Variants in GRIK2 observed in about 807,000 individuals in gnomAD.
The protein encoded by GRIK2 is glutamate ionotropic receptor kainate type subunit 2, also known as glutamate receptor ionotropic, kainate 2.
A neutral mutation model predicts 100.3 loss-of-function variants in GRIK2; 32 were observed. That is an observed-to-expected ratio of 0.32 (90% CI 0.24 to 0.43). The LOEUF (loss-of-function observed/expected upper bound fraction) is 0.43. GRIK2 is among the 20% of genes least tolerant of loss of function. The probability of loss-of-function intolerance (pLI) is 1.00; values close to 1 mark genes in which losing one functional copy is unlikely to be tolerated. For synonymous variants in GRIK2, 417 were observed against 389.4 expected (o/e 1.07, Z -0.83); for missense variants, 843 against 1,114.9 (o/e 0.76, Z 3.47).
At chr6:101,417,041 G>A (rs1014049887) in intron 2 of GRIK2, among the ~76,000 whole-genome samples, 3 of 152,162 alleles carry the variant, frequency 2.0e-5, no homozygotes, top group East Asian at 3.8e-4. Flanking sequence ...AAAGGAAAGC[G>A]GTTTAATTGA....
chr6:102,045,637 T>A (rs1770846568), intron 15 of GRIK2, among the ~76,000 whole-genome samples: 1 of 151,918 alleles, frequency 6.6e-6, no homozygotes, highest in East Asian at 1.9e-4. Context: ...TAAATAATTA[T>A]CTAATAATGC....
chr6:101,724,217 G>A (rs972241288), intron 7 of GRIK2, among the ~76,000 whole-genome samples: 34 of 151,624 alleles, frequency 2.2e-4, no homozygotes, highest in African/African-American at 8.2e-4. Context: ...TTAGATTCAG[G>A]GGGTACATGG....
intron 4 of GRIK2, among the ~76,000 whole-genome samples, chr6:101,635,774 A>G (rs1183932268): frequency 1.3e-5 from 2 of 152,234 alleles, no homozygotes; most frequent in African/African-American, 4.8e-5. Context: ...TGGTCATTAG[A>G]GAAATGCAAA....
At chr6:101,542,576 A>T (rs1321031960) in intron 2 of GRIK2, among the ~76,000 whole-genome samples, 1 of 152,136 alleles carries the variant, frequency 6.6e-6, no homozygotes, top group Non-Finnish European at 1.5e-5. Context: ...TGCATAAAAG[A>T]TCATATTATA....
intron 7 of GRIK2, among the ~76,000 whole-genome samples, chr6:101,741,103 C>A (rs759243849): frequency 2.6e-5 from 4 of 152,110 alleles, no homozygotes; most frequent in African/African-American, 4.8e-5. Context: ...CAGGGAAAGC[C>A]ACAAGCATGC....
At chr6:101,958,343 A>G (rs916082029) in intron 14 of GRIK2, among the ~76,000 whole-genome samples, 1 of 150,316 alleles carries the variant, frequency 6.7e-6, no homozygotes, top group Non-Finnish European at 1.5e-5. Context: ...GTTATTGATT[A>G]TAGAAATGCT....
chr6:101,912,044 ACG>A (rs200527313), intron 12 of GRIK2, among the ~76,000 whole-genome samples: 96,053 of 124,370 alleles, frequency 0.77, 34,961 homozygotes, highest in African/African-American at 0.84. Context: ...ACCAGGGGCA[ACG>A]CACACACACA....
At chr6:101,551,211 C>G (rs1194974671) in intron 2 of GRIK2, among the ~76,000 whole-genome samples, 1 of 152,086 alleles carries the variant, frequency 6.6e-6, no homozygotes, top group Non-Finnish European at 1.5e-5. Context: ...TGGTGTGCAG[C>G]AAGATTTCAG....
At chr6:101,578,519 G>A (rs1777894296) in intron 2 of GRIK2, among the ~76,000 whole-genome samples, 1 of 152,116 alleles carries the variant, frequency 6.6e-6, no homozygotes, top group Non-Finnish European at 1.5e-5. Context: ...AGCATATGGG[G>A]CATTTGAACA....
chr6:101,710,296 A>T (rs1000689031), intron 7 of GRIK2, among the ~76,000 whole-genome samples: 1 of 151,830 alleles, frequency 6.6e-6, no homozygotes, highest in African/African-American at 2.4e-5. Flanking sequence ...CCTGCATTCT[A>T]GTTGTGGCTT....
chr6:101,676,719 C>T lies in GRIK2; in HGVS notation c.638C>T (p.Pro213Leu), dbSNP rs752608111. The change falls in exon 5 of 17, where the codon CCC becomes CTC. Residue 213 changes from proline (P) to leucine (L), a missense_variant. Around this residue, in one of 3 missense-constraint regions of GRIK2, gnomAD observed 519 missense variants for 643.8 expected, o/e 0.81. Transcript: ENST00000369134. Reference protein sequence around the residue: ...QLPADTKDAKPLLKEMKRGKE... With the variant: ...QLPADTKDAKLLLKEMKRGKE... Reference sequence around the variant, plus strand: ...CCTGCTGATACAAAGGATGCAAAACCCTTACTAAAAGAAATGAAAAGAGGC... The same window carrying T: ...CCTGCTGATACAAAGGATGCAAAACTCTTACTAAAAGAAATGAAAAGAGGC... The T allele has an allele frequency of 1.9e-6, 3 of 1,606,698 alleles. No individual in the cohort carries two copies. Among genetic ancestry groups the T allele is most frequent in the Non-Finnish European group, 2.6e-6 (3 of 1,174,676 alleles).
chr6:101,668,953 A>G (rs1283209152), intron 4 of GRIK2, among the ~76,000 whole-genome samples: 1 of 152,236 alleles, frequency 6.6e-6, no homozygotes, highest in Non-Finnish European at 1.5e-5. Context: ...AGATAAAGAC[A>G]AACCTTGATT....
chr6:101,677,248 A>G (rs1770908352), intron 5 of GRIK2, among the ~76,000 whole-genome samples: 1 of 152,132 alleles, frequency 6.6e-6, no homozygotes, highest in South Asian at 2.1e-4. Flanking sequence ...TCACTACAAC[A>G]AAAAGAAGTA....
intron 16 of GRIK2, chr6:102,065,839 AT>A: frequency 6.7e-7 from 1 of 1,500,784 alleles, no homozygotes; most frequent in Non-Finnish European, 9.0e-7. Flanking sequence ...ATTCCTCCCT[AT>A]TTTGGAGTCA....
chr6:101,848,321 A>G (rs1783924417), intron 10 of GRIK2, among the ~76,000 whole-genome samples: 1 of 147,588 alleles, frequency 6.8e-6, no homozygotes, highest in Admixed American at 6.8e-5. Flanking sequence ...TTGCCAGTTT[A>G]TCAACTGCTT....
chr6:101,599,198 G>A, intron 2 of GRIK2, among the ~76,000 whole-genome samples: 1 of 151,556 alleles, frequency 6.6e-6, no homozygotes, highest in African/African-American at 2.4e-5. Flanking sequence ...GCATTAATTT[G>A]CTCAAGATAA....
At chr6:101,887,397 A>G (rs1786727645) in intron 11 of GRIK2, among the ~76,000 whole-genome samples, 1 of 152,160 alleles carries the variant, frequency 6.6e-6, no homozygotes, top group Non-Finnish European at 1.5e-5. Flanking sequence ...TTTGCTTTTC[A>G]TGTGCCTAAG....
chr6:101,498,694 T>C (rs985847860), intron 2 of GRIK2, among the ~76,000 whole-genome samples: 271 of 151,946 alleles, frequency 1.8e-3, no homozygotes, highest in East Asian at 9.3e-3. Context: ...TCATATCCTT[T>C]GCCCACTTTT....
rs189927391 is a variant in GRIK2, at chr6:101,725,630, C to A, written c.951+39277C>A. On this transcript the variant is annotated intron_variant, in intron 7 of 16. Transcript: ENST00000369134. ...AATATTTTTATGTTACAGGTAGCAT[C>A]ACCATAAGAATGGCTCACTGATTAG... Among the ~76,000 whole-genome samples, 526 of 152,076 alleles carry A rather than the reference C, an allele frequency of 3.5e-3. 5 individuals are homozygous for A. The highest frequency in any genetic ancestry group is 0.012 in the African/African-American group (494 of 41,534).
Sources: allele counts gnomAD v4.1 joint callset (sites outside exome capture counted in the v4.1 genomes callset), GRCh38; gene constraint gnomAD v4.1.1; regional missense constraint gnomAD v4.1.1; transcripts MANE v1.5; gene names NCBI Gene and HGNC (gene_info 2026-07-23, HGNC 2026-07-21).